Variants in OSBPL10 observed in about 807,000 individuals in gnomAD.
OSBPL10 encodes oxysterol-binding protein-related protein 10.
OSBPL10 carries 49 observed loss-of-function variants against 81.7 expected under a neutral mutation model. The observed-to-expected ratio is 0.60, with a 90% CI of 0.48 to 0.76. The LOEUF (loss-of-function observed/expected upper bound fraction) is 0.76, where lower values mean the gene tolerates loss of function less well. OSBPL10 is among the 30% of genes least tolerant of loss of function. The pLI is 0.00. For missense variants in OSBPL10, 923 were observed against 987.8 expected (o/e 0.93, Z 0.88); for synonymous variants, 419 against 383.6 (o/e 1.09, Z -1.08).
chr3:31,814,329 A>G (rs1216728370), intron 4 of OSBPL10, among the ~76,000 whole-genome samples: 1 of 152,180 alleles, frequency 6.6e-6, no homozygotes, highest in African/African-American at 2.4e-5. Context: ...ACGAATGTCA[A>G]AGAAGTCTGT....
chr3:31,836,550 C>T (rs560852911), intron 3 of OSBPL10, among the ~76,000 whole-genome samples: 5 of 143,058 alleles, frequency 3.5e-5, no homozygotes, highest in African/African-American at 1.3e-4. Context: ...CCTCCTCTAC[C>T]CCCCTGCCAA....
At chr3:31,668,960 A>C (rs191173232) in intron 9 of OSBPL10, 136 bp from the exon 10 acceptor site, 1 of 684,374 alleles carries the variant, frequency 1.5e-6, no homozygotes, top group African/African-American at 1.8e-5. Flanking sequence ...CTTTGCTCAA[A>C]GACTAGCTCT....
At chr3:31,960,944 G>A (rs927595214) in intron 1 of OSBPL10, among the ~76,000 whole-genome samples, 3 of 151,634 alleles carry the variant, frequency 2.0e-5, no homozygotes, top group African/African-American at 4.8e-5. Flanking sequence ...AAACCAAACT[G>A]CTTGAACCTC....
rs754540939 is a variant in OSBPL10 at position 31,981,186 on chromosome 3, T to C, written c.-7A>G. 2.2e-6 allele frequency: 3 copies of C among 1,382,442 alleles called. No homozygotes were observed. The highest frequency in any genetic ancestry group is 1.5e-5 in the South Asian group (1 of 66,964). The allele number at this position is 1,382,442 out of a possible 1,614,324, so 85.6% of individuals were successfully genotyped here. ...CCTGGACTGCCCTCTCCATGGTCCG[T>C]GGGCGCCCGGGACGCGGGTGCCCGC... On this transcript the variant is annotated 5_prime_UTR_variant, in exon 1 of 12. Transcript: ENST00000396556. The surrounding 1 kb of genome is among the most constrained non-coding windows in gnomAD (Gnocchi z 4.5).
chr3:31,678,782 C>CTGTGTGTGTGTGTGTGTGTGTGTG (rs67616509), intron 8 of OSBPL10, among the ~76,000 whole-genome samples: 25 of 135,644 alleles, frequency 1.8e-4, no homozygotes, highest in East Asian at 1.4e-3. Context: ...CAGATTCAAA[C>CTGTGTGTGTGTGTGTGTGTGTGTG]TGTGTGTGTG....
At chr3:31,729,565 C>A (rs150345539) in intron 6 of OSBPL10, among the ~76,000 whole-genome samples, 2 of 152,094 alleles carry the variant, frequency 1.3e-5, no homozygotes, top group African/African-American at 4.8e-5. Flanking sequence ...GGATTACAGG[C>A]GCACGCCACC....
intron 2 of OSBPL10, among the ~76,000 whole-genome samples, chr3:32,026,701 T>C (rs1413756017): frequency 2.6e-5 from 4 of 152,224 alleles, no homozygotes; most frequent in African/African-American, 9.6e-5. Flanking sequence ...ACCGCCATAC[T>C]AACGCTCTCT....
chr3:31,883,025 G>A (rs147642671), intron 1 of OSBPL10, among the ~76,000 whole-genome samples: 10 of 152,268 alleles, frequency 6.6e-5, no homozygotes, highest in African/African-American at 2.4e-4. Context: ...AGTGCTGACT[G>A]CCTTGAGGAG....
At chr3:31,893,949 A>G (rs918389762) in intron 1 of OSBPL10, among the ~76,000 whole-genome samples, 10 of 152,218 alleles carry the variant, frequency 6.6e-5, no homozygotes, top group African/African-American at 2.4e-4. Context: ...ATAGTTACAA[A>G]ACTATATAAA....
At chr3:31,695,071 T>A (rs116104294) in intron 7 of OSBPL10, among the ~76,000 whole-genome samples, 182 of 152,336 alleles carry the variant, frequency 1.2e-3, no homozygotes, top group African/African-American at 4.2e-3. Flanking sequence ...TCTTGTTTCA[T>A]GTGTTCTTGA....
intron 6 of OSBPL10, among the ~76,000 whole-genome samples, chr3:31,716,526 G>A (rs1037973772): frequency 7.9e-5 from 12 of 152,136 alleles, no homozygotes; most frequent in Non-Finnish European, 1.5e-4. Flanking sequence ...GGCCATGGGG[G>A]CTATGAGGAA....
At chr3:31,784,234 C>T (rs148639770) in intron 4 of OSBPL10, among the ~76,000 whole-genome samples, 24 of 151,810 alleles carry the variant, frequency 1.6e-4, no homozygotes, top group African/African-American at 4.6e-4. Flanking sequence ...TGGTGGTATG[C>T]GCCTTTAGTC....
intron 1 of OSBPL10, among the ~76,000 whole-genome samples, chr3:31,894,843 C>T (rs977921134): frequency 6.6e-5 from 10 of 152,132 alleles, no homozygotes; most frequent in Middle Eastern, 3.2e-3. Flanking sequence ...CATGCTATGC[C>T]GGAATATCTT....
chr3:31,903,925 T>C (rs1208729635), intron 1 of OSBPL10, among the ~76,000 whole-genome samples: 2 of 152,134 alleles, frequency 1.3e-5, no homozygotes, highest in Non-Finnish European at 2.9e-5. Flanking sequence ...TCAAGGTGGA[T>C]TTCTACTAAA....
chr3:31,855,019 G>GT (rs573857018), intron 3 of OSBPL10, among the ~76,000 whole-genome samples: 1,831 of 151,896 alleles, frequency 0.012, 31 homozygotes, highest in African/African-American at 0.042. Context: ...GTTTTGTTTT[G>GT]TTTTGTTTTT....
chr3:31,918,447 G>C (rs1172555202), intron 1 of OSBPL10, among the ~76,000 whole-genome samples: 8 of 152,032 alleles, frequency 5.3e-5, no homozygotes, highest in Non-Finnish European at 1.0e-4. Flanking sequence ...TCCTGCCTCA[G>C]CCTCCTGAGG....
intron 6 of OSBPL10, among the ~76,000 whole-genome samples, chr3:31,723,571 C>CACACACACACACACACACA (rs376763435): frequency 1.3e-5 from 2 of 151,126 alleles, no homozygotes; most frequent in Non-Finnish European, 1.5e-5. Flanking sequence ...CACACACACA[C>CACACACACACACACACACA]CCCTTTCCCT....
chr3:31,840,337 C>G (rs115566016), intron 3 of OSBPL10, among the ~76,000 whole-genome samples: 1 of 152,220 alleles, frequency 6.6e-6, no homozygotes, highest in African/African-American at 2.4e-5. Flanking sequence ...TGACAGAGCA[C>G]TCCTGTCTAC....
chr3:31,677,164 A>G (rs978700775), intron 8 of OSBPL10, among the ~76,000 whole-genome samples: 2 of 152,230 alleles, frequency 1.3e-5, no homozygotes, highest in East Asian at 3.9e-4. Flanking sequence ...TGCAGGAAAT[A>G]TGCGAGGGAA....
Sources: allele counts gnomAD v4.1 joint callset (sites outside exome capture counted in the v4.1 genomes callset), GRCh38; gene constraint gnomAD v4.1.1; non-coding constraint Gnocchi (gnomAD v3.1); transcripts MANE v1.5; gene names NCBI Gene and HGNC (gene_info 2026-07-23, HGNC 2026-07-21).